BLNK: variants seen among roughly 807,000 people sequenced by gnomAD.
The protein encoded by BLNK is B-cell linker protein.
BLNK carries 29 observed loss-of-function variants against 73.5 expected under a neutral mutation model. The observed-to-expected ratio is 0.39, with a 90% CI of 0.29 to 0.54. The LOEUF is 0.54. BLNK is among the 20% of genes least tolerant of loss of function. The pLI, the probability that BLNK is intolerant of heterozygous loss-of-function variation, is 0.61. For missense variants in BLNK, 460 were observed against 562.8 expected (o/e 0.82, Z 1.85); for synonymous variants, 176 against 200.8 (o/e 0.88, Z 1.04).
At chr10:96,251,517 T>G (rs148616405) in intron 1 of BLNK, among the ~76,000 whole-genome samples, 1 of 152,336 alleles carries the variant, frequency 6.6e-6, no homozygotes, top group East Asian at 1.9e-4. Flanking sequence ...TTCAGAGATA[T>G]CCTTCCATGG....
chr10:96,196,815 C>T, intron 16 of BLNK, 93 bp downstream of exon 16: 1 of 1,272,888 alleles, frequency 7.9e-7, no homozygotes, highest in Non-Finnish European at 1.1e-6. Flanking sequence ...ACTTTTGTAT[C>T]CTTTCTCCTC....
intron 1 of BLNK, among the ~76,000 whole-genome samples, chr10:96,260,388 G>A (rs554300131): frequency 6.6e-6 from 1 of 152,180 alleles, no homozygotes; most frequent in Non-Finnish European, 1.5e-5. Context: ...CTCTTAAATC[G>A]AACCAGCTGC....
rs371403290 is a variant in BLNK, at chr10:96,270,341, C to A, written c.47+1011G>T. 3.3e-5 allele frequency among the ~76,000 whole-genome samples: 5 copies of A among 152,188 alleles called. No homozygotes were observed. The East Asian group carries it at 9.6e-4, about 29-fold the overall frequency. On this transcript the variant is annotated intron_variant, in intron 1 of 16. Coordinates refer to ENST00000224337, the MANE Select transcript of BLNK (RefSeq NM_013314.4). ...CTTCAATTCTCTGGCTCATTGTTAT[C>A]TGTGATTACTTGTCTGCTACATGTG...
intron 7 of BLNK, chr10:96,215,839 G>T (rs2000337): frequency 0.56 from 90,148 of 160,082 alleles, 25,872 homozygotes; most frequent in East Asian, 0.76. Flanking sequence ...GTTTTTTTCT[G>T]TTCTTTTTTG....
At chr10:96,257,198 G>A (rs782309699) in intron 1 of BLNK, among the ~76,000 whole-genome samples, 12 of 152,194 alleles carry the variant, frequency 7.9e-5, no homozygotes, top group Non-Finnish European at 1.6e-4. Flanking sequence ...GGATGAGACC[G>A]CTGGGAGCAG....
chr10:96,229,412 A>G (rs1842408221), intron 4 of BLNK, among the ~76,000 whole-genome samples: 1 of 152,172 alleles, frequency 6.6e-6, no homozygotes, highest in African/African-American at 2.4e-5. Context: ...TTCTGCGTGC[A>G]GTGGGGATCC....
chr10:96,244,788 TA>T (rs1842990002), intron 2 of BLNK, among the ~76,000 whole-genome samples: 1 of 152,174 alleles, frequency 6.6e-6, no homozygotes, highest in Admixed American at 6.5e-5. Context: ...GAGGCTGTTA[TA>T]AAAAACTTGA....
At position 96,191,702 on chromosome 10, in the gene BLNK, T is replaced by C. The variant is rs1019849760; in HGVS notation, c.*271A>G. On this transcript the variant is annotated 3_prime_UTR_variant, in exon 17 of 17. Coordinates refer to ENST00000224337, the MANE Select transcript of BLNK (RefSeq NM_013314.4). The stretch of plus-strand genomic sequence containing the variant: ...ATTTTGATAATATACTTTACACTTA[T>C]TTTTAAAAATAAAAATATTTATTTG... The C allele has an allele frequency of 8.8e-5, 28 of 316,712 alleles. No individual in the cohort carries two copies. The highest frequency in any genetic ancestry group is 2.1e-3 in the Middle Eastern group (2 of 964). The allele number at this position is 316,712 out of a possible 1,614,324, so 19.6% of individuals were successfully genotyped here. A position where few individuals can be genotyped will look rare whatever the true frequency, so the allele number is the denominator to read the frequency against.
chr10:96,201,174 C>G, intron 13 of BLNK, 116 bp from the exon 14 acceptor site: 2 of 942,080 alleles, frequency 2.1e-6, no homozygotes, highest in African/African-American at 1.6e-5. Context: ...AAAAAAAATC[C>G]TTAAGGCAAT....
chr10:96,257,998 C>G (rs1021812161), intron 1 of BLNK, among the ~76,000 whole-genome samples: 3 of 152,216 alleles, frequency 2.0e-5, no homozygotes, highest in African/African-American at 4.8e-5. Context: ...TTTGAAGCAG[C>G]ATGATACTTT....
chr10:96,263,857 G>T (rs113308303), intron 1 of BLNK, among the ~76,000 whole-genome samples: 229 of 152,334 alleles, frequency 1.5e-3, no homozygotes, highest in Non-Finnish European at 2.2e-3. Flanking sequence ...CCAGTGTCCA[G>T]TGTCAGCCCA....
chr10:96,223,747 G>T, intron 6 of BLNK, 79 bp downstream of exon 6: 3 of 1,538,646 alleles, frequency 1.9e-6, no homozygotes, highest in Non-Finnish European at 2.7e-6. Context: ...AAGGAGGACA[G>T]CCAGCGGGCA....
At position 96,254,499 on chromosome 10, in the gene BLNK, G is replaced by GT. The variant is rs113008211; in HGVS notation, c.48-7451dup. ...TGTACAGCTCAGCCTTCTTCAATGA[G>GT]TTTTTTTTTTGTTTTGTTTTGTTTT... On this transcript the variant is annotated intron_variant, in intron 1 of 16. Coordinates refer to ENST00000224337, the MANE Select transcript of BLNK (RefSeq NM_013314.4). 1.2e-3 allele frequency among the ~76,000 whole-genome samples: 178 copies of GT among 146,386 alleles called. 1 individual carries two copies. Among genetic ancestry groups the GT allele is most frequent in the African/African-American group, 3.1e-3 (120 of 39,072 alleles).
chr10:96,203,859 C>A, intron 13 of BLNK, 198 bp downstream of exon 13: 1 of 426,588 alleles, frequency 2.3e-6, no homozygotes. Flanking sequence ...AAAATTGCCT[C>A]AAATATATTT....
chr10:96,189,701 C>A lies in BLNK; in HGVS notation c.*2272G>T, dbSNP rs1243676958. ...TCTTCAGTTTCCTCATCATCAAAAT[C>A]ATCATCATCATCATCATCATCATCA... On this transcript the variant is annotated 3_prime_UTR_variant, in exon 17 of 17. Transcript: ENST00000224337. 20 of 578,882 alleles carry A rather than the reference C, an allele frequency of 3.5e-5. No homozygotes were observed. Among genetic ancestry groups the A allele is most frequent in the Non-Finnish European group, 4.2e-5 (13 of 312,646 alleles). The allele number at this position is 578,882 out of a possible 1,614,324, so 35.9% of individuals were successfully genotyped here.
intron 8 of BLNK, 200 bp from the exon 9 acceptor site, chr10:96,210,107 G>A: frequency 1.6e-6 from 1 of 644,286 alleles, no homozygotes; most frequent in Non-Finnish European, 2.8e-6. Context: ...AAGTGTCAGT[G>A]TATAAGCTCA....
intron 2 of BLNK, 124 bp from the exon 3 acceptor site, chr10:96,242,908 A>G: frequency 1.2e-6 from 1 of 839,506 alleles, no homozygotes; most frequent in Non-Finnish European, 2.1e-6. Flanking sequence ...CTCTTGGACC[A>G]ATCAATGGAC....
chr10:96,270,050 C>T (rs1474298798), intron 1 of BLNK, among the ~76,000 whole-genome samples: 1 of 152,160 alleles, frequency 6.6e-6, no homozygotes, highest in African/African-American at 2.4e-5. Flanking sequence ...ATTGTATCAC[C>T]CCCGCCCCTC....
chr10:96,260,971 G>A (rs1347666512), intron 1 of BLNK, among the ~76,000 whole-genome samples: 1 of 152,010 alleles, frequency 6.6e-6, no homozygotes, highest in Non-Finnish European at 1.5e-5. Context: ...AGCCTCCTGA[G>A]TAGCTGGAAC....
Sources: gnomAD v4.1 joint callset for allele counts (sites outside exome capture counted in the v4.1 genomes callset) on GRCh38, gnomAD v4.1.1 for gene constraint, MANE v1.5 for transcripts, NCBI Gene and HGNC (gene_info 2026-07-23, HGNC 2026-07-21) for gene names.